ITGA9: variants seen among roughly 807,000 people sequenced by gnomAD.
ITGA9 encodes the protein integrin subunit alpha 9.
Under a neutral mutation model 127.8 loss-of-function variants are expected in ITGA9, and 56 were observed. The observed-to-expected ratio is 0.44, with a 90% CI of 0.35 to 0.55. The LOEUF (loss-of-function observed/expected upper bound fraction) is 0.55, where lower values mean the gene tolerates loss of function less well. Ranked by LOEUF, ITGA9 falls within the 20% of genes least tolerant of loss-of-function variation. The pLI, the probability that ITGA9 is intolerant of heterozygous loss-of-function variation, is 0.00. For missense variants in ITGA9, 1,196 were observed against 1,347.1 expected (o/e 0.89, Z 1.76); for synonymous variants, 508 against 514.5 (o/e 0.99, Z 0.17).
At chr3:37,695,386 C>T in intron 18 of ITGA9, among the ~76,000 whole-genome samples, 1 of 152,202 alleles carries the variant, frequency 6.6e-6, no homozygotes, top group Non-Finnish European at 1.5e-5. Context: ...TGGTTTCCTT[C>T]TTGTTCTGAA....
chr3:37,756,295 A>G (rs1333049179), intron 23 of ITGA9, among the ~76,000 whole-genome samples: 1 of 152,228 alleles, frequency 6.6e-6, no homozygotes, highest in Non-Finnish European at 1.5e-5. Context: ...TTAAAGATTT[A>G]GTCCACTAAG....
In ITGA9 at chr3:37,452,343, C is replaced by G; in HGVS notation, c.-32C>G. ...CCCGCGCGCTCGGCGCCCTGCTCGC[C>G]GGGCAGAGGGGAAGGCGGCGGCCGG... On this transcript the variant is annotated 5_prime_UTR_variant, in exon 1 of 28. Transcript: ENST00000264741. This position sits in a 1 kb window ranked among gnomAD's most constrained non-coding sequence, Gnocchi z 7.3. 1 of 1,080,580 alleles carries G rather than the reference C, an allele frequency of 9.3e-7. No homozygotes were observed. Among genetic ancestry groups the G allele is most frequent in the South Asian group, 4.4e-5 (1 of 22,858 alleles). 66.9% of individuals were successfully genotyped at this position (1,080,580 alleles called of 1,614,324 possible). A position where few individuals can be genotyped will look rare whatever the true frequency, so the allele number is the denominator to read the frequency against.
At chr3:37,515,068 C>G (rs1457358517) in intron 9 of ITGA9, among the ~76,000 whole-genome samples, 5 of 152,120 alleles carry the variant, frequency 3.3e-5, no homozygotes, top group Non-Finnish European at 7.4e-5. Flanking sequence ...TACAAGTATT[C>G]AGCAAGAACA....
intron 18 of ITGA9, among the ~76,000 whole-genome samples, chr3:37,689,991 T>C (rs1700816070): frequency 1.3e-5 from 2 of 152,248 alleles, no homozygotes; most frequent in East Asian, 1.9e-4. Context: ...AGGTGCCAGC[T>C]GCTCTACAGA....
intron 18 of ITGA9, among the ~76,000 whole-genome samples, chr3:37,714,052 TCAGGA>T (rs1374927868): frequency 6.6e-6 from 1 of 152,148 alleles, no homozygotes; most frequent in Non-Finnish European, 1.5e-5. Flanking sequence ...GTGTCCCCCA[TCAGGA>T]CAGTCACAGG....
chr3:37,641,894 T>C (rs1398545789), intron 16 of ITGA9, among the ~76,000 whole-genome samples: 1 of 152,168 alleles, frequency 6.6e-6, no homozygotes, highest in African/African-American at 2.4e-5. Flanking sequence ...AAATGTTGCC[T>C]CCTCAAAGAA....
At chr3:37,667,417 T>G (rs1410527421) in intron 17 of ITGA9, among the ~76,000 whole-genome samples, 1 of 152,104 alleles carries the variant, frequency 6.6e-6, no homozygotes, top group Non-Finnish European at 1.5e-5. Flanking sequence ...GGCTCCAAGT[T>G]TTGTTCCCAT....
chr3:37,574,088 C>T lies in ITGA9; in HGVS notation c.1689+31503C>T, dbSNP rs533939419. ...GGAAAAGTTCATCCCAGTCAATGTC[C>T]TGTCTTGCTTATGTTTAAGTTGGAT... On this transcript the variant is annotated intron_variant, in intron 15 of 27. Transcript: ENST00000264741. Among the ~76,000 whole-genome samples the T allele has an allele frequency of 2.6e-5, 4 of 152,260 alleles. No individual in the cohort carries two copies. The South Asian group carries it at 8.3e-4, about 32-fold the overall frequency.
intron 4 of ITGA9, among the ~76,000 whole-genome samples, chr3:37,482,906 C>G (rs1227722149): frequency 6.6e-6 from 1 of 152,180 alleles, no homozygotes; most frequent in Non-Finnish European, 1.5e-5. Context: ...GAAGAACAAA[C>G]TTCATCTTAA....
Position 37,511,964 on chromosome 3 carries a change from CTTTCT to C in ITGA9, c.898-1736_898-1732del, listed in dbSNP as rs530231188. Among the ~76,000 whole-genome samples the C allele has an allele frequency of 7.9e-3, 694 of 87,966 alleles. 16 individuals carry two copies. The highest frequency in any genetic ancestry group is 8.7e-3 in the Non-Finnish European group (376 of 43,062). The allele number at this position is 87,966 out of a possible 152,430, so 57.7% of individuals were successfully genotyped here. A position where few individuals can be genotyped will look rare whatever the true frequency, so the allele number is the denominator to read the frequency against. On this transcript the variant is annotated intron_variant, in intron 8 of 27. Coordinates refer to ENST00000264741, the MANE Select transcript of ITGA9 (RefSeq NM_002207.3). Reference sequence around the variant, plus strand: ...ATTTTAAAAGAATAATGCTTTTTCTCTTTCTTTTCTTTTCTTTTCTTTTCTTTTCT... The same window carrying C: ...ATTTTAAAAGAATAATGCTTTTTCTCTTTCTTTTCTTTTCTTTTCTTTTCT...
In ITGA9 at chr3:37,806,991, AG is replaced by A. The variant is rs1697307129; in HGVS notation, c.3009+3052del. On this transcript the variant is annotated intron_variant, in intron 27 of 27. Transcript: ENST00000264741. This position sits in a 1 kb window ranked among gnomAD's most constrained non-coding sequence, Gnocchi z 4.3. ...AGCAATAGACCTGCAGGCATAATGGAGGGTGGTGAGTGCTGCGCAGTAACTG... is the reference window on the plus strand; with the variant it reads ...AGCAATAGACCTGCAGGCATAATGGAGGTGGTGAGTGCTGCGCAGTAACTG... 2.6e-5 allele frequency: 4 copies of A among 152,182 alleles called. No homozygotes were observed. The highest frequency in any genetic ancestry group is 2.6e-4 in the Admixed American group (4 of 15,272). 9.4% of individuals were successfully genotyped at this position (152,182 alleles called of 1,614,324 possible).
intron 18 of ITGA9, among the ~76,000 whole-genome samples, chr3:37,695,613 G>A (rs931618408): frequency 2.0e-5 from 3 of 152,184 alleles, no homozygotes; most frequent in East Asian, 1.9e-4. Flanking sequence ...TTGAGGCCAG[G>A]CTTACAGACA....
At chr3:37,591,297 G>A (rs1699815757) in intron 15 of ITGA9, among the ~76,000 whole-genome samples, 1 of 152,216 alleles carries the variant, frequency 6.6e-6, no homozygotes, top group Admixed American at 6.5e-5. Context: ...ATTTGCTGGA[G>A]CATTTTCCAT....
At chr3:37,561,118 G>A (rs1699483017) in intron 15 of ITGA9, among the ~76,000 whole-genome samples, 1 of 152,180 alleles carries the variant, frequency 6.6e-6, no homozygotes, top group Non-Finnish European at 1.5e-5. Context: ...CCATTCTGAG[G>A]TACTGGGAGT....
intron 14 of ITGA9, among the ~76,000 whole-genome samples, chr3:37,535,264 C>T (rs944101707): frequency 1.3e-5 from 2 of 152,194 alleles, no homozygotes; most frequent in East Asian, 3.8e-4. Context: ...TCACTTATCG[C>T]TGTTGTGAAA....
At position 37,805,033 on chromosome 3, in the gene ITGA9, G is replaced by A. The variant is rs376003417; in HGVS notation, c.3009+1091G>A. ...AGTAATATACTCAGCATATTTTCAG[G>A]TGAAGTACCTCTAAATTTAAAAGCA... is the stretch of plus-strand genomic sequence containing the variant. On this transcript the variant is annotated intron_variant, in intron 27 of 27. Transcript: ENST00000264741. 2.6e-5 allele frequency among the ~76,000 whole-genome samples: 4 copies of A among 151,646 alleles called. No individual in the cohort carries two copies. The South Asian group carries it at 8.3e-4, about 32-fold the overall frequency.
chr3:37,634,039 T>C (rs927022719), intron 16 of ITGA9, among the ~76,000 whole-genome samples: 2 of 152,118 alleles, frequency 1.3e-5, no homozygotes, highest in Non-Finnish European at 2.9e-5. Context: ...GTTATAACTA[T>C]CAGATGTTTT....
At chr3:37,489,714 G>C (rs1267716656) in intron 4 of ITGA9, among the ~76,000 whole-genome samples, 4 of 134,732 alleles carry the variant, frequency 3.0e-5, no homozygotes, top group Non-Finnish European at 3.1e-5. Context: ...TTTTTTACTA[G>C]AGCTGTGTCT....
intron 18 of ITGA9, among the ~76,000 whole-genome samples, chr3:37,692,851 G>A (rs976418574): frequency 2.0e-5 from 3 of 152,200 alleles, no homozygotes; most frequent in African/African-American, 7.2e-5. Context: ...GGCCCAAAGG[G>A]CTGGAGGAGT....
Sources: gnomAD v4.1 joint callset for allele counts (sites outside exome capture counted in the v4.1 genomes callset) on GRCh38, gnomAD v4.1.1 for gene constraint, Gnocchi (gnomAD v3.1) non-coding constraint, MANE v1.5 for transcripts, NCBI Gene and HGNC (gene_info 2026-07-23, HGNC 2026-07-21) for gene names.